The following TUT7 variants were observed in gnomAD, a reference collection of about 807,000 sequenced individuals.
TUT7 encodes the protein terminal uridylyl transferase 7.
A neutral mutation model predicts 165.9 loss-of-function variants in TUT7; 33 were observed. That is an observed-to-expected ratio of 0.20 (90% confidence interval 0.15 to 0.27). The LOEUF is 0.27. TUT7 is among the 10% of genes least tolerant of loss of function. The probability of loss-of-function intolerance (pLI) is 1.00; values close to 1 mark genes in which losing one functional copy is unlikely to be tolerated. For synonymous variants in TUT7, 552 were observed against 608.1 expected (o/e 0.91, Z 1.36); for missense variants, 1,338 against 1,762.3 (o/e 0.76, Z 4.31).
At chr9:86,331,736 T>C (rs1023543387) in intron 10 of TUT7, among the ~76,000 whole-genome samples, 11 of 152,212 alleles carry the variant, frequency 7.2e-5, no homozygotes, top group East Asian at 5.8e-4. Flanking sequence ...TTCTAGAATA[T>C]AGTCTTGCTT....
intron 17 of TUT7, 63 bp from the exon 18 acceptor site, chr9:86,310,872 G>A: frequency 1.1e-6 from 1 of 927,928 alleles, no homozygotes; most frequent in South Asian, 1.4e-5. Flanking sequence ...TAACTCTTAT[G>A]TTAATGTTCC....
chr9:86,306,545 G>A (rs1244106727), intron 22 of TUT7, among the ~76,000 whole-genome samples: 4 of 152,160 alleles, frequency 2.6e-5, no homozygotes, highest in Non-Finnish European at 4.4e-5. Flanking sequence ...TGTGGCTCAC[G>A]CCTGTAATCC....
chr9:86,334,470 G>A (rs183566665), intron 10 of TUT7, among the ~76,000 whole-genome samples: 1 of 152,260 alleles, frequency 6.6e-6, no homozygotes, highest in East Asian at 1.9e-4. Flanking sequence ...CCCTAGTATT[G>A]GCTTCAGTGG....
intron 26 of TUT7, among the ~76,000 whole-genome samples, chr9:86,292,953 T>A (rs1826008505): frequency 6.6e-6 from 1 of 152,156 alleles, no homozygotes; most frequent in African/African-American, 2.4e-5. Flanking sequence ...CAGAAAAATC[T>A]TCACTATACC....
At chr9:86,332,047 T>C (rs1344337294) in intron 10 of TUT7, among the ~76,000 whole-genome samples, 1 of 152,006 alleles carries the variant, frequency 6.6e-6, no homozygotes, top group Non-Finnish European at 1.5e-5. Context: ...AAAACCACAA[T>C]GAGATACCAT....
chr9:86,353,716 C>T (rs1832499139), intron 1 of TUT7, among the ~76,000 whole-genome samples: 1 of 152,142 alleles, frequency 6.6e-6, no homozygotes, highest in Admixed American at 6.5e-5. Flanking sequence ...TCCAATTTTC[C>T]GTCCCTTCAC....
In TUT7 at chr9:86,311,222, C is replaced by T. The variant is rs1024536014; in HGVS notation, c.3275-413G>A. Among the ~76,000 whole-genome samples, 8 of 152,112 alleles carry T rather than the reference C, an allele frequency of 5.3e-5. No homozygotes were observed. Among genetic ancestry groups the T allele is most frequent in the African/African-American group, 4.8e-5 (2 of 41,410 alleles). ...CTAATTTGGAGAACAGCCTAAGGGA[C>T]GATTATCCTCCAAACAAGTTACTCA... is the stretch of plus-strand genomic sequence containing the variant. On this transcript the variant is annotated intron_variant, in intron 17 of 26. Coordinates refer to ENST00000375963, the MANE Select transcript of TUT7 (RefSeq NM_024617.4). This position sits in a 1 kb window ranked among gnomAD's most constrained non-coding sequence, Gnocchi z 4.4.
intron 1 of TUT7, among the ~76,000 whole-genome samples, 169 bp from the exon 2 acceptor site, chr9:86,353,399 G>C (rs1193500661): frequency 6.6e-6 from 1 of 152,104 alleles, no homozygotes; most frequent in Non-Finnish European, 1.5e-5. Flanking sequence ...CTTTACCCTA[G>C]AGGTTGGGAG....
intron 23 of TUT7, 101 bp from the exon 24 acceptor site, chr9:86,305,048 C>T (rs1827331479): frequency 1.3e-5 from 16 of 1,191,330 alleles, no homozygotes; most frequent in Non-Finnish European, 1.9e-5. Flanking sequence ...GTTATTCTAG[C>T]ACTCTGGGAG....
At chr9:86,295,733 A>ATT (rs1826254991) in intron 26 of TUT7, among the ~76,000 whole-genome samples, 1 of 152,178 alleles carries the variant, frequency 6.6e-6, no homozygotes. Flanking sequence ...AAAGCTGTAA[A>ATT]AGAATACATC....
At position 86,288,006 on chromosome 9, in the gene TUT7, A is replaced by T. The variant is rs1424649773; in HGVS notation, c.*671T>A. 3 of 152,232 alleles carry T rather than the reference A, an allele frequency of 2.0e-5. No homozygotes were observed. The highest frequency in any genetic ancestry group is 4.4e-5 in the Non-Finnish European group (3 of 68,042). 9.4% of individuals were successfully genotyped at this position (152,232 alleles called of 1,614,324 possible). On this transcript the variant is annotated 3_prime_UTR_variant, in exon 27 of 27. Coordinates refer to ENST00000375963, the MANE Select transcript of TUT7 (RefSeq NM_024617.4). ...TTCCTTTGAAAATGTTTTTAGTGGC[A>T]AACAGGACTACTTGTTTTCCTTACT... is the stretch of plus-strand genomic sequence containing the variant.
chr9:86,299,626 C>G (rs1826692452), intron 26 of TUT7, among the ~76,000 whole-genome samples: 1 of 152,146 alleles, frequency 6.6e-6, no homozygotes. Context: ...CTTGATAATT[C>G]CCCTGCCACC....
At chr9:86,298,914 A>T in intron 26 of TUT7, 1 of 638,340 alleles carries the variant, frequency 1.6e-6, no homozygotes, top group Non-Finnish European at 1.9e-6. Context: ...ATCCAAGGAG[A>T]GCTGAAATAA....
In TUT7 at chr9:86,352,978, G is replaced by C. The variant is rs755372864; in HGVS notation, c.222C>G (p.Ser74Arg). The C allele has an allele frequency of 3.1e-6, 5 of 1,614,062 alleles. No individual in the cohort carries two copies. Among genetic ancestry groups the C allele is most frequent in the Non-Finnish European group, 4.2e-6 (5 of 1,180,042 alleles). Residue 74 changes from serine to arginine, a missense_variant, in exon 2 of 27, where the codon AGC becomes AGG. Transcript: ENST00000375963. ...TPRKGPCAVS[S>R]NPYAFKNPIY... Reference sequence around the variant, plus strand: ...TTGGGTTTTTAAATGCATATGGATTGCTGGAAACAGCACATGGTCCTTTTC... The same window carrying C: ...TTGGGTTTTTAAATGCATATGGATTCCTGGAAACAGCACATGGTCCTTTTC...
intron 26 of TUT7, among the ~76,000 whole-genome samples, chr9:86,299,171 C>T (rs1587854807): frequency 6.6e-6 from 1 of 152,250 alleles, no homozygotes; most frequent in East Asian, 1.9e-4. Context: ...GACAGACACG[C>T]CTCCTTCTCC....
intron 2 of TUT7, among the ~76,000 whole-genome samples, chr9:86,349,044 C>T (rs1159593362): frequency 4.6e-5 from 7 of 151,898 alleles, no homozygotes; most frequent in South Asian, 2.1e-4. Context: ...TTTGGGAGGC[C>T]GAGGCAGGTG....
chr9:86,316,527 C>T (rs952736424), intron 17 of TUT7, among the ~76,000 whole-genome samples: 3 of 152,194 alleles, frequency 2.0e-5, no homozygotes, highest in Non-Finnish European at 2.9e-5. Flanking sequence ...AAGCCCAGTC[C>T]GGGGTGCTTT....
intron 11 of TUT7, 80 bp from the exon 12 acceptor site, chr9:86,325,594 A>G (rs1470256339): frequency 1.2e-5 from 17 of 1,362,702 alleles, no homozygotes; most frequent in Non-Finnish European, 1.5e-5. Flanking sequence ...TTAAGCATCA[A>G]ATTAAAAAAA....
At chr9:86,347,434 C>T (rs1277028475) in intron 2 of TUT7, among the ~76,000 whole-genome samples, 1 of 152,140 alleles carries the variant, frequency 6.6e-6, no homozygotes, top group African/African-American at 2.4e-5. Flanking sequence ...TGCTTGGAAA[C>T]ATAAACCTAC....
Sources: gnomAD v4.1 joint callset for allele counts (sites outside exome capture counted in the v4.1 genomes callset) on GRCh38, gnomAD v4.1.1 for gene constraint, Gnocchi (gnomAD v3.1) non-coding constraint, MANE v1.5 for transcripts, NCBI Gene and HGNC (gene_info 2026-07-23, HGNC 2026-07-21) for gene names.